SNX8: variants seen among roughly 807,000 people sequenced by gnomAD.
SNX8 encodes the protein sorting nexin-8.
In SNX8, 25 loss-of-function variants were observed where a neutral mutation model predicts 51.6. The observed-to-expected ratio is 0.48, with a 90% CI of 0.35 to 0.68. The LOEUF (loss-of-function observed/expected upper bound fraction) is 0.68, where lower values mean the gene tolerates loss of function less well. Ranked by LOEUF, SNX8 falls within the 30% of genes least tolerant of loss-of-function variation. SNX8 has a pLI of 0.00. For synonymous variants in SNX8, 324 were observed against 277.0 expected (o/e 1.17, Z -1.68); for missense variants, 695 against 624.0 (o/e 1.11, Z -1.21).
At chr7:2,343,549 C>A (rs1193169821) in intron 1 of SNX8, among the ~76,000 whole-genome samples, 1 of 151,972 alleles carries the variant, frequency 6.6e-6, no homozygotes, top group African/African-American at 2.4e-5. Flanking sequence ...GTGGCGTGCA[C>A]CTGTAGTCCC....
intron 1 of SNX8, among the ~76,000 whole-genome samples, chr7:2,279,260 G>A (rs1301866321): frequency 2.8e-4 from 34 of 120,036 alleles, no homozygotes; most frequent in African/African-American, 8.9e-4. Context: ...CTCACACTAC[G>A]GAGTCGAAGC....
At chr7:2,336,208 C>T (rs1218970783) in intron 1 of SNX8, among the ~76,000 whole-genome samples, 1 of 150,814 alleles carries the variant, frequency 6.6e-6, no homozygotes, top group Non-Finnish European at 1.5e-5. Flanking sequence ...TCGAGACCAG[C>T]CTGACCAACA....
At chr7:2,284,483 T>C (rs933695850) in intron 1 of SNX8, among the ~76,000 whole-genome samples, 4 of 131,120 alleles carry the variant, frequency 3.1e-5, no homozygotes, top group Non-Finnish European at 3.1e-5. Flanking sequence ...TTCACTGCAA[T>C]CTCCGCCTCC....
chr7:2,350,840 T>C (rs1218345295), intron 1 of SNX8, among the ~76,000 whole-genome samples: 1 of 151,838 alleles, frequency 6.6e-6, no homozygotes, highest in African/African-American at 2.4e-5. Flanking sequence ...AGAGATAGGG[T>C]TTCACCATGT....
At chr7:2,265,158 T>C (rs1019423116) in intron 5 of SNX8, among the ~76,000 whole-genome samples, 17 of 152,164 alleles carry the variant, frequency 1.1e-4, no homozygotes, top group African/African-American at 4.1e-4. Context: ...ATCGAGACTA[T>C]GGTGAAACCC....
chr7:2,258,436 A>G (rs2398669), intron 7 of SNX8, among the ~76,000 whole-genome samples: 140,035 of 152,050 alleles, frequency 0.92, 64,704 homozygotes, highest in Non-Finnish European at 0.96. Flanking sequence ...CGACTCTCCC[A>G]ACACATATGC....
intron 1 of SNX8, among the ~76,000 whole-genome samples, chr7:2,312,312 A>G (rs924293673): frequency 6.6e-6 from 1 of 152,120 alleles, no homozygotes; most frequent in Non-Finnish European, 1.5e-5. Context: ...AAGGAAACAC[A>G]GTCCCCTACA....
Position 2,269,569 on chromosome 7 carries a change from G to A in SNX8, c.611C>T (p.Thr204Ile). 1 of 1,558,046 alleles carries A rather than the reference G, an allele frequency of 6.4e-7. No individual in the cohort carries two copies. The highest frequency in any genetic ancestry group is 1.2e-5 in the South Asian group (1 of 80,376). The change falls in exon 5 of 11, where the codon ACC becomes ATC. Residue 204 changes from threonine (T) to isoleucine (I), a missense_variant. Coordinates refer to ENST00000222990, the MANE Select transcript of SNX8 (RefSeq NM_013321.4). ...GDEFLNCKLA[T>I]RAKDFLPADI... ...AAAAAAGAAAAATACCTTGGCCCTGGTAGCCAGCTTACAGTTCAGGAATTC... is the reference window on the plus strand; with the variant it reads ...AAAAAAGAAAAATACCTTGGCCCTGATAGCCAGCTTACAGTTCAGGAATTC...
In SNX8 at chr7:2,350,407, T is replaced by C. The variant is rs763046169; in HGVS notation, c.-66+3815A>G. Among the ~76,000 whole-genome samples the C allele has an allele frequency of 3.9e-5, 6 of 152,132 alleles. 1 individual carries two copies. Among genetic ancestry groups the C allele is most frequent in the Non-Finnish European group, 2.9e-5 (2 of 68,022 alleles). On this transcript the variant is annotated intron_variant, in intron 1 of 5. Coordinates refer to the SNX8 transcript ENST00000435336. ...AGTTATGAACCAATGTTAATATCAA[T>C]AGAAATGCAACAAACCCATAAAACT... is the stretch of plus-strand genomic sequence containing the variant.
intron 1 of SNX8, among the ~76,000 whole-genome samples, chr7:2,339,350 C>T (rs1778882768): frequency 6.6e-6 from 1 of 152,052 alleles, no homozygotes; most frequent in Non-Finnish European, 1.5e-5. Context: ...GGACTACAGG[C>T]ACGTGCCACC....
intron 1 of SNX8, among the ~76,000 whole-genome samples, chr7:2,313,523 C>CAAAAA (rs371626274): frequency 3.7e-5 from 4 of 108,104 alleles, no homozygotes; most frequent in Non-Finnish European, 8.6e-5. Context: ...GAATCTGTCT[C>CAAAAA]AAAAAAAAAA....
At position 2,283,634 on chromosome 7, in the gene SNX8, C is replaced by T. The variant is rs986178579; in HGVS notation, c.95-5329G>A. On this transcript the variant is annotated intron_variant, in intron 1 of 10. Transcript: ENST00000222990. ...GTCCCCAGCTGCCAGTTCCCTAGAA[C>T]GGAGGGGAGATCAGGACCAGCAAGG... Among the ~76,000 whole-genome samples, 4 of 152,276 alleles carry T rather than the reference C, an allele frequency of 2.6e-5. No homozygotes were observed. The South Asian group carries it at 8.3e-4, about 32-fold the overall frequency.
intron 1 of SNX8, among the ~76,000 whole-genome samples, chr7:2,348,158 G>T (rs559057682): frequency 7.9e-5 from 12 of 152,112 alleles, no homozygotes; most frequent in African/African-American, 2.7e-4. Context: ...ACTGAAAAGG[G>T]CGGGCTAAGA....
chr7:2,313,149 T>C (rs1340013411), intron 1 of SNX8, among the ~76,000 whole-genome samples: 1 of 151,920 alleles, frequency 6.6e-6, no homozygotes, highest in Admixed American at 6.6e-5. Flanking sequence ...TCCGCCCGCC[T>C]CGGCCTCCCA....
chr7:2,353,063 G>A (rs1296371947), intron 1 of SNX8, among the ~76,000 whole-genome samples: 2 of 152,154 alleles, frequency 1.3e-5, no homozygotes, highest in Admixed American at 6.6e-5. Flanking sequence ...GGAAGCTGAG[G>A]GAGGAAGACT....
In SNX8 at chr7:2,252,749, C is replaced by G. The variant is rs1245231942; in HGVS notation, c.*2307G>C. On this transcript the variant is annotated 3_prime_UTR_variant, in exon 11 of 11. Transcript: ENST00000222990. ...CTGCCCTCTTGCTCTCTCCTCACCCCTGCCCTCCTGCTCCCCCTCACCCCT... is the reference window on the plus strand; with the variant it reads ...CTGCCCTCTTGCTCTCTCCTCACCCGTGCCCTCCTGCTCCCCCTCACCCCT... 1 of 141,500 alleles carries G rather than the reference C, an allele frequency of 7.1e-6. No individual in the cohort carries two copies. The highest frequency in any genetic ancestry group is 2.7e-5 in the African/African-American group (1 of 36,956). The allele number at this position is 141,500 out of a possible 1,614,324, so 8.8% of individuals were successfully genotyped here. A position where few individuals can be genotyped will look rare whatever the true frequency, so the allele number is the denominator to read the frequency against.
At chr7:2,314,908 A>ACATT (rs1298487513), upstream of SNX8, among the ~76,000 whole-genome samples, 3 of 140,116 alleles carry the variant, frequency 2.1e-5, no homozygotes, top group Non-Finnish European at 4.7e-5. Flanking sequence ...ACTGCATCCT[A>ACATT]CATTCATTCA....
intron 1 of SNX8, 61 bp from the exon 2 acceptor site, chr7:2,278,366 G>GCGCCACTGTGCCCAGCCAA: frequency 9.2e-7 from 1 of 1,086,410 alleles, no homozygotes; most frequent in Non-Finnish European, 1.3e-6. Context: ...AGCCTTGGCT[G>GCGCCACTGTGCCCAGCCAA]GGCACAGTGG....
intron 10 of SNX8, among the ~76,000 whole-genome samples, chr7:2,255,439 G>A (rs947766298): frequency 4.6e-5 from 7 of 152,244 alleles, no homozygotes; most frequent in Non-Finnish European, 1.0e-4. Context: ...TGCCTGCCGT[G>A]GAATCGTGAG....
Sources: gnomAD v4.1 joint callset for allele counts (sites outside exome capture counted in the v4.1 genomes callset) on GRCh38, gnomAD v4.1.1 for gene constraint, MANE v1.5 for transcripts, NCBI Gene and HGNC (gene_info 2026-07-23, HGNC 2026-07-21) for gene names.